The following MTMR3 variants were observed in gnomAD, a reference collection of about 807,000 sequenced individuals.
MTMR3 encodes the protein myotubularin related protein 3, also known as phosphatidylinositol-3,5-bisphosphate 3-phosphatase MTMR3.
MTMR3 carries 32 observed loss-of-function variants against 132.4 expected under a neutral mutation model. That is an observed-to-expected ratio of 0.24 (90% CI 0.18 to 0.32). The LOEUF is 0.32. Among genes scored for constraint, MTMR3 ranks in the 10% least tolerant of loss-of-function variants. The probability of loss-of-function intolerance (pLI) is 1.00; values close to 1 mark genes in which losing one functional copy is unlikely to be tolerated. For synonymous variants in MTMR3, 556 were observed against 550.3 expected (o/e 1.01, Z -0.14); for missense variants, 1,216 against 1,489.6 (o/e 0.82, Z 3.02).
Position 30,022,678 on chromosome 22 carries a change from A to G in MTMR3, c.3406A>G (p.Ser1136Gly). Residue 1136 changes from serine (S) to glycine (G), a missense_variant, in exon 19 of 20, where the codon AGC becomes GGC. This residue lies in a region of MTMR3 where 852 missense variants were observed against 852.0 expected (regional missense o/e 1.00). Coordinates refer to ENST00000401950, the MANE Select transcript of MTMR3 (RefSeq NM_021090.4). ...GTGCGACAGTGCCTTCTGGCTTGCC[A>G]GCAGGAAGCACCACTGCAGGTACCA... The part of the protein sequence containing the change: ...YACDSAFWLA[S>G]RKHHCRNCGN... The G allele has an allele frequency of 1.2e-6, 2 of 1,609,660 alleles. No individual in the cohort carries two copies. Among genetic ancestry groups the G allele is most frequent in the Non-Finnish European group, 8.5e-7 (1 of 1,179,884 alleles).
chr22:30,022,802 AGGCAGAGCCATG>A, intron 19 of MTMR3, 105 bp downstream of exon 19: 1 of 1,019,824 alleles, frequency 9.8e-7, no homozygotes, highest in Non-Finnish European at 1.5e-6. Flanking sequence ...GTTCTGTCTG[AGGCAGAGCCATG>A]GTCTCATCTT....
intron 1 of MTMR3, among the ~76,000 whole-genome samples, chr22:29,945,564 G>A (rs1268242131): frequency 6.6e-6 from 1 of 151,808 alleles, no homozygotes; most frequent in Non-Finnish European, 1.5e-5. Flanking sequence ...ATGTAGCCAG[G>A]CATGGTGGTA....
At chr22:29,946,193 T>TAG (rs2065950862) in intron 1 of MTMR3, among the ~76,000 whole-genome samples, 1 of 152,162 alleles carries the variant, frequency 6.6e-6, no homozygotes, top group African/African-American at 2.4e-5. Flanking sequence ...TCATTGGAAA[T>TAG]AGAGTCAAAT....
intron 19 of MTMR3, chr22:30,024,792 C>G (rs774169339): frequency 6.6e-6 from 1 of 152,230 alleles, no homozygotes; most frequent in Non-Finnish European, 1.5e-5. Context: ...TTGCCAATTC[C>G]CTTTCCTGTT....
rs183232470 is a variant in MTMR3 at position 30,029,036 on chromosome 22, T to G, written c.*3235T>G. The G allele has an allele frequency of 2.3e-3, 356 of 152,456 alleles. 2 individuals carry two copies. Among genetic ancestry groups the G allele is most frequent in the Middle Eastern group, 0.01 (3 of 294 alleles). The allele number at this position is 152,456 out of a possible 1,614,324, so 9.4% of individuals were successfully genotyped here. A position where few individuals can be genotyped will look rare whatever the true frequency, so the allele number is the denominator to read the frequency against. On this transcript the variant is annotated 3_prime_UTR_variant, in exon 20 of 20. Coordinates refer to ENST00000401950, the MANE Select transcript of MTMR3 (RefSeq NM_021090.4). ...GTTGCGAGCTCCTAAATGGAAAGCTTCTCTGGGGGTAGGGAGATGAAGAGC... is the reference window on the plus strand; with the variant it reads ...GTTGCGAGCTCCTAAATGGAAAGCTGCTCTGGGGGTAGGGAGATGAAGAGC...
Position 30,025,921 on chromosome 22 carries a change from G to A in MTMR3, c.*120G>A. On this transcript the variant is annotated 3_prime_UTR_variant, in exon 20 of 20. Coordinates refer to ENST00000401950, the MANE Select transcript of MTMR3 (RefSeq NM_021090.4). ...GGGAGCGTGGAACCACCTGTACAGA[G>A]TGACAGATTTGGGATGCACCACTGG... The A allele has an allele frequency of 9.6e-7, 1 of 1,038,120 alleles. No individual in the cohort carries two copies. Among genetic ancestry groups the A allele is most frequent in the Non-Finnish European group, 1.4e-6 (1 of 698,726 alleles). 64.3% of individuals were successfully genotyped at this position (1,038,120 alleles called of 1,614,324 possible). A position where few individuals can be genotyped will look rare whatever the true frequency, so the allele number is the denominator to read the frequency against.
At chr22:29,967,363 A>G (rs1440500679) in intron 2 of MTMR3, among the ~76,000 whole-genome samples, 3 of 151,482 alleles carry the variant, frequency 2.0e-5, no homozygotes, top group African/African-American at 7.3e-5. Context: ...TCAGCCTCCC[A>G]AGTGGCTAGG....
chr22:29,999,993 T>C (rs1823819486), intron 8 of MTMR3: 1 of 151,752 alleles, frequency 6.6e-6, no homozygotes, highest in Admixed American at 6.6e-5. Context: ...ACCTGGGTGA[T>C]AGAGTGAGAC....
At chr22:29,978,152 G>C (rs759236094) in intron 3 of MTMR3, 13 of 242,412 alleles carry the variant, frequency 5.4e-5, no homozygotes, top group Non-Finnish European at 1.1e-4. Flanking sequence ...GGGTGATAGT[G>C]AGATTCTGTC....
intron 1 of MTMR3, among the ~76,000 whole-genome samples, chr22:29,953,543 G>C (rs954986154): frequency 7.9e-5 from 12 of 152,172 alleles, no homozygotes; most frequent in Admixed American, 3.3e-4. Context: ...AAGGGACTTA[G>C]AGTATATTGT....
chr22:30,021,140 G>GGTTGATCA (rs1389899223), intron 17 of MTMR3: 2 of 514,978 alleles, frequency 3.9e-6, no homozygotes, highest in African/African-American at 3.8e-5. Context: ...TGCACTGCAT[G>GGTTGATCA]GTTGATCAGA....
chr22:29,976,715 T>C (rs1303463937), intron 3 of MTMR3, among the ~76,000 whole-genome samples: 1 of 152,186 alleles, frequency 6.6e-6, no homozygotes, highest in Non-Finnish European at 1.5e-5. Flanking sequence ...GTAATATTAT[T>C]GGGAAGGTTT....
intron 1 of MTMR3, among the ~76,000 whole-genome samples, chr22:29,919,503 T>C (rs1420183560): frequency 6.6e-6 from 1 of 152,186 alleles, no homozygotes; most frequent in Non-Finnish European, 1.5e-5. Flanking sequence ...ATAAATATTT[T>C]TGGACTGTTA....
intron 19 of MTMR3, chr22:30,023,308 G>A: frequency 1.3e-6 from 1 of 753,180 alleles, no homozygotes; most frequent in South Asian, 1.6e-5. Flanking sequence ...TCATGCCATA[G>A]CTCACCCACA....
chr22:30,020,062 T>G lies in MTMR3; in HGVS notation c.2403T>G (p.Ile801Met). ...VPVEQFRIEE[I>M]AEGREEAVLP... The stretch of plus-strand genomic sequence containing the variant: ...TGGAGCAGTTTCGAATAGAAGAGAT[T>G]GCAGAGGGTAGGGAGGAAGCAGTTC... Residue 801 changes from isoleucine (I) to methionine (M), a missense_variant, in exon 17 of 20, where the codon ATT (isoleucine) becomes ATG (methionine). Ile to Met is a conservative substitution (Grantham distance 10). Around this residue, in one of 7 missense-constraint regions of MTMR3, gnomAD observed 852 missense variants for 852.0 expected, o/e 1.00. Transcript: ENST00000401950. 6 of 1,614,162 alleles carry G rather than the reference T, an allele frequency of 3.7e-6. No homozygotes were observed. Among genetic ancestry groups the G allele is most frequent in the Non-Finnish European group, 5.1e-6 (6 of 1,180,014 alleles).
At chr22:29,951,262 C>A (rs552094407) in intron 1 of MTMR3, among the ~76,000 whole-genome samples, 1 of 152,222 alleles carries the variant, frequency 6.6e-6, no homozygotes, top group East Asian at 1.9e-4. Flanking sequence ...CCGTTTTTAG[C>A]AGATTGTATG....
intron 1 of MTMR3, among the ~76,000 whole-genome samples, chr22:29,955,289 A>G (rs1475555634): frequency 6.6e-6 from 1 of 152,224 alleles, no homozygotes; most frequent in East Asian, 1.9e-4. Context: ...CCGGCCAGAC[A>G]TAATTTTTAA....
At chr22:29,920,225 CAAAA>C (rs1308567004) in intron 1 of MTMR3, among the ~76,000 whole-genome samples, 1 of 142,298 alleles carries the variant, frequency 7.0e-6, no homozygotes, top group South Asian at 2.2e-4. Flanking sequence ...AAAAAAAAAA[CAAAA>C]AACCCAAAAA....
chr22:29,912,432 C>G (rs753823267), intron 1 of MTMR3, among the ~76,000 whole-genome samples: 66 of 152,012 alleles, frequency 4.3e-4, no homozygotes, highest in South Asian at 1.5e-3. Flanking sequence ...TACAGGTGTG[C>G]GCTACCATGC....
Sources: gnomAD v4.1 joint callset for allele counts (sites outside exome capture counted in the v4.1 genomes callset) on GRCh38, gnomAD v4.1.1 for gene constraint, gnomAD v4.1.1 regional missense constraint, MANE v1.5 for transcripts, NCBI Gene and HGNC (gene_info 2026-07-23, HGNC 2026-07-21) for gene names.